Variants in TBC1D4 observed in about 807,000 individuals in gnomAD.
TBC1D4 encodes the protein TBC (Tre-2, BUB2, CDC16) domain-containing protein.
In TBC1D4, 121 loss-of-function variants were observed where a neutral mutation model predicts 142.5. The observed-to-expected ratio is 0.85, with a 90% CI of 0.73 to 0.99. TBC1D4 has a LOEUF of 0.99. Ranked by LOEUF, TBC1D4 falls within the 50% of genes least tolerant of loss-of-function variation. The probability of loss-of-function intolerance (pLI) is 0.00; values close to 1 mark genes in which losing one functional copy is unlikely to be tolerated. For missense variants in TBC1D4, 1,475 were observed against 1,606.6 expected (o/e 0.92, Z 1.40); for synonymous variants, 630 against 628.2 (o/e 1.00, Z -0.04).
intron 1 of TBC1D4, among the ~76,000 whole-genome samples, chr13:75,461,685 C>G (rs1406397335): frequency 6.6e-6 from 1 of 152,198 alleles, no homozygotes; most frequent in African/African-American, 2.4e-5. Context: ...TTCCTACATA[C>G]AGGTAGCTAC....
rs1880694844 is a variant in TBC1D4 at position 75,341,483 on chromosome 13, C to A, written c.1500+13G>T. The stretch of plus-strand genomic sequence containing the variant: ...CCTTATGTCTTATTTATGAGACCTA[C>A]AAATAATGTTACCTGAACTCTTTCA... On this transcript the variant is annotated intron_variant, in intron 6 of 20. Coordinates refer to ENST00000377636, the MANE Select transcript of TBC1D4 (RefSeq NM_014832.5). The A allele has an allele frequency of 6.2e-7, 1 of 1,610,598 alleles. No homozygotes were observed. The highest frequency in any genetic ancestry group is 1.3e-5 in the African/African-American group (1 of 74,918).
intron 1 of TBC1D4, among the ~76,000 whole-genome samples, chr13:75,398,420 G>T (rs1454779449): frequency 6.6e-6 from 1 of 152,148 alleles, no homozygotes; most frequent in African/African-American, 2.4e-5. Flanking sequence ...CTGCTAGTGA[G>T]GAAACGGCTA....
At chr13:75,441,862 T>G (rs1887055604) in intron 1 of TBC1D4, among the ~76,000 whole-genome samples, 1 of 152,212 alleles carries the variant, frequency 6.6e-6, no homozygotes. Flanking sequence ...ACATTACAAC[T>G]TAATTGTATA....
rs1299815686 is a variant in TBC1D4 at position 75,310,100 on chromosome 13, A to G, written c.2435T>C (p.Met812Thr). ...GAATACAACCAGCGGTTCCTCCTCC[A>G]TGGTTGGAGAGAGGGGGGACAGTGG... The part of the protein sequence containing the change: ...LLPLSPLSPT[M>T]EEEPLVVFLS... Residue 812 changes from methionine (M) to threonine (T), a missense_variant, in exon 14 of 21, where the codon ATG becomes ACG. Coordinates refer to ENST00000377636, the MANE Select transcript of TBC1D4 (RefSeq NM_014832.5). 6.2e-6 allele frequency: 10 copies of G among 1,614,006 alleles called. No individual in the cohort carries two copies. Among genetic ancestry groups the G allele is most frequent in the Non-Finnish European group, 8.5e-6 (10 of 1,179,982 alleles).
intron 1 of TBC1D4, among the ~76,000 whole-genome samples, chr13:75,407,029 T>C (rs1313401954): frequency 2.0e-5 from 3 of 152,124 alleles, no homozygotes; most frequent in African/African-American, 7.2e-5. Context: ...AACTGAGGCA[T>C]GTGAGACAAG....
intron 1 of TBC1D4, among the ~76,000 whole-genome samples, chr13:75,383,618 T>C (rs1430824622): frequency 1.3e-5 from 2 of 152,206 alleles, no homozygotes; most frequent in Non-Finnish European, 2.9e-5. Flanking sequence ...CAGTATATTG[T>C]TATAATTGTT....
chr13:75,341,691 T>A (rs932645793), intron 5 of TBC1D4, 104 bp from the exon 6 acceptor site: 13 of 885,928 alleles, frequency 1.5e-5, no homozygotes, highest in Admixed American at 1.3e-4. Flanking sequence ...GCTCTGAACT[T>A]AAATCTTCTC....
At chr13:75,356,586 T>G (rs566543130) in intron 3 of TBC1D4, among the ~76,000 whole-genome samples, 95 of 152,326 alleles carry the variant, frequency 6.2e-4, no homozygotes, top group African/African-American at 2.2e-3. Context: ...TACTGTCTTC[T>G]TGGCACGGCA....
At chr13:75,313,553 A>G (rs555384316) in intron 12 of TBC1D4, among the ~76,000 whole-genome samples, 2 of 152,104 alleles carry the variant, frequency 1.3e-5, no homozygotes, top group South Asian at 4.1e-4. Context: ...ATAAGGTCTC[A>G]TTTTTTCACC....
intron 1 of TBC1D4, among the ~76,000 whole-genome samples, chr13:75,464,011 A>T (rs961026530): frequency 6.6e-6 from 1 of 152,238 alleles, no homozygotes; most frequent in African/African-American, 2.4e-5. Flanking sequence ...AGTAGTAATC[A>T]GGTTTATTTC....
intron 1 of TBC1D4, among the ~76,000 whole-genome samples, chr13:75,456,538 G>T (rs1473241851): frequency 6.6e-6 from 1 of 152,044 alleles, no homozygotes; most frequent in African/African-American, 2.4e-5. Context: ...CAATGCATAT[G>T]AAAAGGTGCT....
At chr13:75,291,833 T>C (rs1165493162) in intron 19 of TBC1D4, among the ~76,000 whole-genome samples, 1 of 152,240 alleles carries the variant, frequency 6.6e-6, no homozygotes, top group African/African-American at 2.4e-5. Context: ...TCAGGCCTTC[T>C]TGACTCTGTC....
intron 4 of TBC1D4, among the ~76,000 whole-genome samples, chr13:75,355,417 A>C (rs1048480550): frequency 1.3e-5 from 2 of 152,216 alleles, no homozygotes; most frequent in African/African-American, 4.8e-5. Context: ...AGCCGCTCAG[A>C]TATATGTCCA....
intron 1 of TBC1D4, among the ~76,000 whole-genome samples, chr13:75,445,375 T>C (rs1227679967): frequency 6.6e-6 from 1 of 152,222 alleles, no homozygotes; most frequent in Non-Finnish European, 1.5e-5. Context: ...CATGACACAC[T>C]GGGCTTGTTG....
chr13:75,317,883 A>G (rs1189289372), intron 12 of TBC1D4, among the ~76,000 whole-genome samples: 2 of 152,234 alleles, frequency 1.3e-5, no homozygotes, highest in African/African-American at 2.4e-5. Flanking sequence ...AATGTCCCGT[A>G]TTACATATAT....
At chr13:75,449,234 GTGTGTGTATATA>G (rs960236704) in intron 1 of TBC1D4, among the ~76,000 whole-genome samples, 5 of 151,658 alleles carry the variant, frequency 3.3e-5, no homozygotes, top group Non-Finnish European at 5.9e-5. Context: ...AACCATATGT[GTGTGTGTATATA>G]TGTGTGTATA....
In TBC1D4 at chr13:75,372,792, T is replaced by C. The variant is rs1593806999; in HGVS notation, c.499-10185A>G. On this transcript the variant is annotated intron_variant, in intron 1 of 20. Coordinates refer to ENST00000377636, the MANE Select transcript of TBC1D4 (RefSeq NM_014832.5). ...TAAATTAACTAGAATTTTAGCTGAT[T>C]AGACAAGTTTGGCAATAAAATTAAT... Among the ~76,000 whole-genome samples the C allele has an allele frequency of 2.0e-5, 3 of 152,192 alleles. No homozygotes were observed. The East Asian group carries it at 5.8e-4, about 29-fold the overall frequency.
At chr13:75,402,812 G>T (rs1885164770) in intron 1 of TBC1D4, among the ~76,000 whole-genome samples, 1 of 152,104 alleles carries the variant, frequency 6.6e-6, no homozygotes, top group Admixed American at 6.5e-5. Flanking sequence ...AAGTAAGAGA[G>T]ATATGAGAGA....
At chr13:75,449,734 C>T (rs1186700641) in intron 1 of TBC1D4, among the ~76,000 whole-genome samples, 1 of 151,862 alleles carries the variant, frequency 6.6e-6, no homozygotes, top group Non-Finnish European at 1.5e-5. Flanking sequence ...TACAGGCATG[C>T]ACCACCACAC....
Sources: gnomAD v4.1 joint callset for allele counts (sites outside exome capture counted in the v4.1 genomes callset) on GRCh38, gnomAD v4.1.1 for gene constraint, MANE v1.5 for transcripts, NCBI Gene and HGNC (gene_info 2026-07-23, HGNC 2026-07-21) for gene names.